The following NADK2 variants were observed in gnomAD, a reference collection of about 807,000 sequenced individuals.
NADK2 encodes NAD kinase domain-containing protein 1, mitochondrial.
In NADK2, 35 loss-of-function variants were observed where a neutral mutation model predicts 62.1. That is an observed-to-expected ratio of 0.56 (90% CI 0.43 to 0.75). NADK2 has a LOEUF of 0.75. Ranked by LOEUF, NADK2 falls within the 30% of genes least tolerant of loss-of-function variation. NADK2 has a pLI of 0.00. For missense variants in NADK2, 439 were observed against 561.3 expected (o/e 0.78, Z 2.20); for synonymous variants, 205 against 207.9 (o/e 0.99, Z 0.12).
chr5:36,211,563 A>AG (rs1217616001), intron 7 of NADK2, among the ~76,000 whole-genome samples: 1 of 151,798 alleles, frequency 6.6e-6, no homozygotes, highest in Admixed American at 6.6e-5. Flanking sequence ...TCAAAAAAAA[A>AG]AAATAATAAA....
At chr5:36,234,522 C>T (rs1747832368) in intron 1 of NADK2, among the ~76,000 whole-genome samples, 1 of 151,978 alleles carries the variant, frequency 6.6e-6, no homozygotes, top group Non-Finnish European at 1.5e-5. Context: ...AAAAGACACA[C>T]ATGATGTTAC....
intron 2 of NADK2, 77 bp from the exon 3 acceptor site, chr5:36,226,640 G>T: frequency 1.0e-6 from 1 of 969,878 alleles, no homozygotes; most frequent in Non-Finnish European, 1.6e-6. Flanking sequence ...CTGAGAGGCA[G>T]ATGATTACAA....
Position 36,241,555 on chromosome 5 carries a change from A to C in NADK2, c.244T>G (p.Phe82Val). The C allele has an allele frequency of 6.4e-7, 1 of 1,560,052 alleles. No individual in the cohort carries two copies. The highest frequency in any genetic ancestry group is 2.5e-5 in the East Asian group (1 of 39,856). ...GCGTAACGGTACCGCTGCTGCTCGA[A>C]CTCGTACCGGGTGGTTTTGGCCACC... ...VVVAKTTRYE[F>V]EQQRYRYAEL... Residue 82 changes from phenylalanine (F) to valine (V), a missense_variant, in exon 1 of 12, where the codon TTC (phenylalanine) becomes GTC (valine). Phe to Val is a conservative substitution (Grantham distance 50). Coordinates refer to ENST00000381937, the MANE Select transcript of NADK2 (RefSeq NM_001085411.3). This position sits in a 1 kb window ranked among gnomAD's most constrained non-coding sequence, Gnocchi z 4.9.
Position 36,207,167 on chromosome 5 carries a change from C to T in NADK2, c.956+3G>A. 3 of 1,609,438 alleles carry T rather than the reference C, an allele frequency of 1.9e-6. No homozygotes were observed. The highest frequency in any genetic ancestry group is 1.1e-5 in the South Asian group (1 of 90,722). ...TTGATAAGCAACATCCCAAGTTACTCACCAGGCCTTTGATCCTGTTCCAGT... is the reference window on the plus strand; with the variant it reads ...TTGATAAGCAACATCCCAAGTTACTTACCAGGCCTTTGATCCTGTTCCAGT... On this transcript the variant is annotated splice_donor_region_variant and intron_variant, in intron 8 of 11. Coordinates refer to ENST00000381937, the MANE Select transcript of NADK2 (RefSeq NM_001085411.3).
chr5:36,217,943 A>C (rs1458916696), intron 5 of NADK2, 59 bp from the exon 6 acceptor site: 17 of 1,459,046 alleles, frequency 1.2e-5, no homozygotes, highest in Non-Finnish European at 1.6e-5. Flanking sequence ...AAGAGTAGAC[A>C]TTATAATAAT....
At chr5:36,204,103 A>G (rs1328501331) in intron 8 of NADK2, among the ~76,000 whole-genome samples, 1 of 152,178 alleles carries the variant, frequency 6.6e-6, no homozygotes, top group Non-Finnish European at 1.5e-5. Flanking sequence ...CCTTTATAAA[A>G]TGGGAATGCT....
In NADK2 at chr5:36,194,372, A is replaced by C. The variant is rs777727667; in HGVS notation, c.*772T>G. The C allele has an allele frequency of 6.6e-6, 1 of 152,196 alleles. No homozygotes were observed. The highest frequency in any genetic ancestry group is 1.5e-5 in the Non-Finnish European group (1 of 68,028). 9.4% of individuals were successfully genotyped at this position (152,196 alleles called of 1,614,324 possible). On this transcript the variant is annotated 3_prime_UTR_variant, in exon 12 of 12. Coordinates refer to ENST00000381937, the MANE Select transcript of NADK2 (RefSeq NM_001085411.3). Reference sequence around the variant, plus strand: ...CTTTTAGTCCCTGAATCCATGTTTGAGCATTTTAAAGATGGAAGAAACCTG... The same window carrying C: ...CTTTTAGTCCCTGAATCCATGTTTGCGCATTTTAAAGATGGAAGAAACCTG...
At chr5:36,201,238 A>C (rs1746435998) in intron 8 of NADK2, 77 bp from the exon 9 acceptor site, 1 of 1,242,600 alleles carries the variant, frequency 8.0e-7, no homozygotes, top group Non-Finnish European at 1.1e-6. Context: ...AACCTACTTA[A>C]AATATAGAAA....
At chr5:36,221,524 G>A (rs1369481584) in intron 4 of NADK2, 2 of 152,136 alleles carry the variant, frequency 1.3e-5, no homozygotes, top group African/African-American at 4.8e-5. Flanking sequence ...ATTAACTTCT[G>A]GGCTTTTTTT....
At position 36,197,827 on chromosome 5, in the gene NADK2, C is replaced by CA. The variant is rs11378052; in HGVS notation, c.1067-164dup. Among the ~76,000 whole-genome samples, 74,168 of 151,540 alleles carry CA rather than the reference C, an allele frequency of 0.49. 19,236 individuals carry two copies. The highest frequency in any genetic ancestry group is 0.58 in the Non-Finnish European group (39,131 of 67,786). On this transcript the variant is annotated intron_variant, in intron 10 of 11. Transcript: ENST00000381937. ...CACATATTCCATTAAAACACAGTAA[C>CA]AAAAAACCTTATAAATAAGAATTAG...
At chr5:36,224,618 G>A (rs1280568942) in intron 4 of NADK2, among the ~76,000 whole-genome samples, 1 of 151,992 alleles carries the variant, frequency 6.6e-6, no homozygotes, top group Non-Finnish European at 1.5e-5. Context: ...TGAATGAAGT[G>A]AGGAAGAAAT....
At chr5:36,218,265 G>A (rs1163210277) in intron 5 of NADK2, 2 of 153,396 alleles carry the variant, frequency 1.3e-5, no homozygotes, top group Non-Finnish European at 2.9e-5. Context: ...TCAGATGGCT[G>A]GATTAGATAA....
intron 8 of NADK2, among the ~76,000 whole-genome samples, chr5:36,204,484 T>C (rs920327517): frequency 6.6e-6 from 1 of 152,100 alleles, no homozygotes; most frequent in African/African-American, 2.4e-5. Flanking sequence ...TTCACTCTAG[T>C]TTTCAACAAG....
intron 1 of NADK2, among the ~76,000 whole-genome samples, chr5:36,230,559 C>T (rs1490855570): frequency 6.6e-6 from 1 of 152,178 alleles, no homozygotes; most frequent in East Asian, 1.9e-4. Flanking sequence ...TCCTCAGGGC[C>T]TAAGTACTAG....
intron 1 of NADK2, among the ~76,000 whole-genome samples, chr5:36,237,602 T>A (rs1747956999): frequency 6.6e-6 from 1 of 152,184 alleles, no homozygotes; most frequent in Non-Finnish European, 1.5e-5. Context: ...TTAAACTAAA[T>A]CAGTACAACA....
intron 7 of NADK2, among the ~76,000 whole-genome samples, chr5:36,209,730 TTA>T (rs1746769382): frequency 6.6e-6 from 1 of 152,160 alleles, no homozygotes; most frequent in African/African-American, 2.4e-5. Flanking sequence ...AAGTATATTT[TTA>T]TACTTTACTA....
At chr5:36,239,985 G>A (rs746998267) in intron 1 of NADK2, among the ~76,000 whole-genome samples, 1 of 152,070 alleles carries the variant, frequency 6.6e-6, no homozygotes, top group Non-Finnish European at 1.5e-5. Context: ...GGGAAGCTTC[G>A]ATAAAACTGT....
intron 7 of NADK2, among the ~76,000 whole-genome samples, chr5:36,210,563 C>G (rs981838303): frequency 3.9e-5 from 6 of 152,068 alleles, no homozygotes; most frequent in African/African-American, 1.4e-4. Flanking sequence ...AAAAATCATA[C>G]AAATTTAAAA....
rs763520102 is a variant in NADK2, at chr5:36,211,892, G to A, written c.812C>T (p.Pro271Leu). Residue 271 changes from proline (P) to leucine (L), a missense_variant, in exon 7 of 12, where the codon CCA (proline) becomes CTA (leucine). Coordinates refer to ENST00000381937, the MANE Select transcript of NADK2 (RefSeq NM_001085411.3). Reference protein sequence around the residue: ...RSEASGPQLLPVRALNEVFIG... With the variant: ...RSEASGPQLLLVRALNEVFIG... ...GAAGACTTCATTTAGTGCTCTCACT[G>A]GCAGAAGTTGGGGTCCTGAAGCCTC... 1.2e-6 allele frequency: 2 copies of A among 1,613,476 alleles called. No homozygotes were observed. Among genetic ancestry groups the A allele is most frequent in the Non-Finnish European group, 1.7e-6 (2 of 1,179,666 alleles).
Sources: allele counts gnomAD v4.1 joint callset (sites outside exome capture counted in the v4.1 genomes callset), GRCh38; gene constraint gnomAD v4.1.1; non-coding constraint Gnocchi (gnomAD v3.1); transcripts MANE v1.5; gene names NCBI Gene and HGNC (gene_info 2026-07-23, HGNC 2026-07-21).